The following IQGAP1 variants were observed in gnomAD, a reference collection of about 807,000 sequenced individuals.
IQGAP1 encodes IQ motif containing GTPase activating protein 1.
In IQGAP1, 66 loss-of-function variants were observed where a neutral mutation model predicts 215.6. The ratio of observed to expected loss-of-function variants is 0.31; its 90% confidence interval spans 0.25 to 0.38. The LOEUF is 0.38. IQGAP1 is among the 10% of genes least tolerant of loss of function. The probability of loss-of-function intolerance (pLI) is 1.00; values close to 1 mark genes in which losing one functional copy is unlikely to be tolerated. For missense variants in IQGAP1, 1,712 were observed against 1,997.1 expected (o/e 0.86, Z 2.72); for synonymous variants, 772 against 728.7 (o/e 1.06, Z -0.96).
At chr15:90,405,441 C>G (rs991198013) in intron 2 of IQGAP1, among the ~76,000 whole-genome samples, 4 of 152,186 alleles carry the variant, frequency 2.6e-5, no homozygotes, top group African/African-American at 9.7e-5. Flanking sequence ...GAAGAGATTA[C>G]TAGACTTGCC....
At position 90,452,775 on chromosome 15, in the gene IQGAP1, G is replaced by T; in HGVS notation, c.1163G>T (p.Arg388Ile). The T allele has an allele frequency of 6.2e-7, 1 of 1,613,908 alleles. No homozygotes were observed. The highest frequency in any genetic ancestry group is 8.5e-7 in the Non-Finnish European group (1 of 1,179,904). ...TTTCTGACTCCTGTTTTTTACACAG[G>T]ATTGGCAGCAGTAGCACTGATTAAT... Reference protein sequence around the residue: ...ANSAAQQYQRRLAAVALINAA... With the variant: ...ANSAAQQYQRILAAVALINAA... Residue 388 changes from arginine (R) to isoleucine (I), a missense_variant and splice_region_variant, in exon 12 of 38, where the codon AGA becomes ATA. Around this residue, in one of 2 missense-constraint regions of IQGAP1, gnomAD observed 1,021 missense variants for 1,074.2 expected, o/e 0.95. Coordinates refer to ENST00000268182, the MANE Select transcript of IQGAP1 (RefSeq NM_003870.4).
intron 37 of IQGAP1, among the ~76,000 whole-genome samples, chr15:90,497,735 G>T (rs187281822): frequency 5.9e-5 from 9 of 152,328 alleles, no homozygotes; most frequent in Non-Finnish European, 1.3e-4. Flanking sequence ...CTGACAAGGT[G>T]TGTGTAAAGT....
chr15:90,462,268 C>T (rs1318703245), intron 15 of IQGAP1, among the ~76,000 whole-genome samples: 1 of 152,230 alleles, frequency 6.6e-6, no homozygotes, highest in Non-Finnish European at 1.5e-5. Context: ...AGCTGGTTCA[C>T]ACCAGCACAG....
rs1286043185 is a variant in IQGAP1, at chr15:90,482,311, C to T, written c.3555+30C>T. The T allele has an allele frequency of 2.5e-6, 4 of 1,603,990 alleles. No individual in the cohort carries two copies. In the African/African-American group the frequency reaches 4.0e-5, roughly 16 times the overall value. Reference sequence around the variant, plus strand: ...GAATCTCATAGCCGGCAGACTCCTGCCCTTTGAGGACAAAGCAATAAAACC... The same window carrying T: ...GAATCTCATAGCCGGCAGACTCCTGTCCTTTGAGGACAAAGCAATAAAACC... On this transcript the variant is annotated intron_variant, in intron 28 of 37. Coordinates refer to ENST00000268182, the MANE Select transcript of IQGAP1 (RefSeq NM_003870.4).
chr15:90,389,056 G>A (rs1055524041), intron 1 of IQGAP1, among the ~76,000 whole-genome samples: 1 of 152,200 alleles, frequency 6.6e-6, no homozygotes, highest in African/African-American at 2.4e-5. Context: ...TTGGGATTTT[G>A]AGGTTTTCGG....
At chr15:90,404,609 T>TG (rs1337447588) in intron 2 of IQGAP1, among the ~76,000 whole-genome samples, 1 of 152,148 alleles carries the variant, frequency 6.6e-6, no homozygotes, top group Non-Finnish European at 1.5e-5. Flanking sequence ...TCCTTTAATT[T>TG]TTTTTTTTTG....
chr15:90,432,874 C>T (rs6496673), intron 4 of IQGAP1, among the ~76,000 whole-genome samples: 27,954 of 152,104 alleles, frequency 0.18, 2,675 homozygotes, highest in Middle Eastern at 0.22. Context: ...TTGTATGGTG[C>T]CACATGACTG....
intron 15 of IQGAP1, among the ~76,000 whole-genome samples, chr15:90,458,794 A>C (rs190769709): frequency 1.3e-5 from 2 of 152,012 alleles, no homozygotes; most frequent in Admixed American, 1.3e-4. Flanking sequence ...TTGTGATTCA[A>C]CCCTCTCCAC....
chr15:90,490,912 C>T (rs956100258), intron 33 of IQGAP1, among the ~76,000 whole-genome samples: 1 of 152,164 alleles, frequency 6.6e-6, no homozygotes, highest in Non-Finnish European at 1.5e-5. Context: ...GGGTTCACGC[C>T]ATTCTCCTGC....
chr15:90,433,918 G>C, intron 5 of IQGAP1, 123 bp downstream of exon 5: 1 of 525,746 alleles, frequency 1.9e-6, no homozygotes, highest in Non-Finnish European at 3.4e-6. Context: ...TTCCAAATAG[G>C]ATAAAATACT....
intron 15 of IQGAP1, among the ~76,000 whole-genome samples, chr15:90,465,163 G>T (rs1177474588): frequency 6.6e-6 from 1 of 152,172 alleles, no homozygotes; most frequent in Non-Finnish European, 1.5e-5. Context: ...TCAAGTTTTA[G>T]GATATCAGCT....
chr15:90,454,416 G>A lies in IQGAP1; in HGVS notation c.1488-12G>A, dbSNP rs772131146. 6.2e-7 allele frequency: 1 copy of A among 1,613,296 alleles called. No homozygotes were observed. Among genetic ancestry groups the A allele is most frequent in the South Asian group, 1.1e-5 (1 of 91,020 alleles). On this transcript the variant is annotated splice_polypyrimidine_tract_variant and intron_variant, in intron 13 of 37. Coordinates refer to ENST00000268182, the MANE Select transcript of IQGAP1 (RefSeq NM_003870.4). ...GTGCTTAATGCTCTTTTTACTTGGG[G>A]GTCTGGGGCAGGTATCTCGATGAGT...
At chr15:90,395,315 T>TC (rs903472915) in intron 2 of IQGAP1, among the ~76,000 whole-genome samples, 4 of 151,490 alleles carry the variant, frequency 2.6e-5, no homozygotes, top group African/African-American at 9.7e-5. Context: ...GAGCGGGGTT[T>TC]TTTTTGTTTT....
At position 90,472,966 on chromosome 15, in the gene IQGAP1, A is replaced by G. The variant is rs377667554; in HGVS notation, c.2305A>G (p.Met769Val). 1.5e-5 allele frequency: 24 copies of G among 1,613,986 alleles called. No individual in the cohort carries two copies. In the East Asian group the frequency reaches 2.0e-4, roughly 13 times the overall value. The change falls in exon 19 of 38, where the codon ATG becomes GTG. Residue 769 changes from methionine (M) to valine (V), a missense_variant. By Grantham distance (21) the Met-to-Val change is conservative (BLOSUM62 1). This residue lies in a region of IQGAP1 where 1,021 missense variants were observed against 1,074.2 expected (regional missense o/e 0.95). Coordinates refer to ENST00000268182, the MANE Select transcript of IQGAP1 (RefSeq NM_003870.4). The stretch of plus-strand genomic sequence containing the variant: ...AGTTCGACAGGAATTCCGATCCAGG[A>G]TGAATTTCCTGAAGAAACAAATCCC... ...YLVRQEFRSR[M>V]NFLKKQIPAI... is the part of the protein sequence containing the mutation.
intron 5 of IQGAP1, among the ~76,000 whole-genome samples, chr15:90,434,004 C>T (rs974576000): frequency 6.6e-6 from 1 of 151,840 alleles, no homozygotes; most frequent in Non-Finnish European, 1.5e-5. Flanking sequence ...TATTTAATAG[C>T]AGGTAATTTT....
intron 2 of IQGAP1, among the ~76,000 whole-genome samples, chr15:90,416,521 G>A (rs62020690): frequency 6.6e-6 from 1 of 151,856 alleles, no homozygotes; most frequent in Non-Finnish European, 1.5e-5. Flanking sequence ...AGTCCCTCCA[G>A]CAGTGTAAAA....
chr15:90,422,666 A>ATATATATATATATGTG (rs2151012487), intron 2 of IQGAP1, among the ~76,000 whole-genome samples: 2 of 120,632 alleles, frequency 1.7e-5, no homozygotes, highest in South Asian at 5.8e-4. Context: ...ATATGTATAT[A>ATATATATATATATGTG]TATATATATA....
Position 90,390,719 on chromosome 15 carries a change from A to T in IQGAP1, c.56-55A>T. 2 of 1,199,498 alleles carry T rather than the reference A, an allele frequency of 1.7e-6. No individual in the cohort carries two copies. Among genetic ancestry groups the T allele is most frequent in the Non-Finnish European group, 2.5e-6 (2 of 809,654 alleles). 74.3% of individuals were successfully genotyped at this position (1,199,498 alleles called of 1,614,324 possible). On this transcript the variant is annotated intron_variant, in intron 1 of 37. Coordinates refer to ENST00000268182, the MANE Select transcript of IQGAP1 (RefSeq NM_003870.4). ...GAAATTGATTCTGTGGCAATCTTTT[A>T]TCACTCAGGAAGGCTACAGATCCTG...
At chr15:90,442,685 A>C (rs919246717) in intron 8 of IQGAP1, among the ~76,000 whole-genome samples, 12 of 152,028 alleles carry the variant, frequency 7.9e-5, no homozygotes, top group Non-Finnish European at 1.8e-4. Flanking sequence ...CATTCTGCTC[A>C]GATCTGAGGC....
Sources: gnomAD v4.1 joint callset for allele counts (sites outside exome capture counted in the v4.1 genomes callset) on GRCh38, gnomAD v4.1.1 for gene constraint, gnomAD v4.1.1 regional missense constraint, MANE v1.5 for transcripts, NCBI Gene and HGNC (gene_info 2026-07-23, HGNC 2026-07-21) for gene names.